The following TMEM272 variants were observed in gnomAD, a reference collection of about 807,000 sequenced individuals.
The protein encoded by TMEM272 is long intergenic non-protein coding RNA 282.
TMEM272 carries 8 observed loss-of-function variants against 3.7 expected under a neutral mutation model. That is an observed-to-expected ratio of 2.17 (90% confidence interval 1.27 to 3.91). TMEM272 has a LOEUF of 3.91. Ranked by LOEUF, TMEM272 falls within the 30% of genes most tolerant of loss-of-function variation. The pLI is 0.00. For synonymous variants in TMEM272, 63 were observed against 39.8 expected (o/e 1.58, Z -2.20); for missense variants, 166 against 91.5 (o/e 1.81, Z -3.32).
chr13:51,876,085 T>C, the TMEM272 span, among the ~76,000 whole-genome samples: 1 of 152,114 alleles, frequency 6.6e-6, no homozygotes, highest in Non-Finnish European at 1.5e-5. Flanking sequence ...GTGCCCTCCC[T>C]CCAGTTTGTT....
Position 51,822,041 on chromosome 13 carries a change from T to A in TMEM272, c.201+14A>T. On this transcript the variant is annotated intron_variant, in intron 4 of 4. Coordinates refer to ENST00000629372, the MANE Select transcript of TMEM272 (RefSeq NM_001351003.2). ...TTCTACAAGGACTACAAACAGCAGA[T>A]AAAGATACTTTACCTTTAAGGTACC... 1.4e-6 allele frequency: 1 copy of A among 702,552 alleles called. No homozygotes were observed. The allele number at this position is 702,552 out of a possible 1,614,324, so 43.5% of individuals were successfully genotyped here.
chr13:51,828,975 G>A (rs766335934), intron 2 of TMEM272, among the ~76,000 whole-genome samples: 6 of 152,188 alleles, frequency 3.9e-5, no homozygotes, highest in Non-Finnish European at 8.8e-5. Context: ...ACCCCTTTCT[G>A]ACCCCTAAAT....
At chr13:51,930,927 C>A in the TMEM272 span, among the ~76,000 whole-genome samples, 1 of 151,852 alleles carries the variant, frequency 6.6e-6, no homozygotes, top group African/African-American at 2.4e-5. Context: ...ATTTGAGAAT[C>A]TATTTTCTAA....
At chr13:51,857,033 TATG>T in the TMEM272 span, among the ~76,000 whole-genome samples, 1 of 152,226 alleles carries the variant, frequency 6.6e-6, no homozygotes, top group Non-Finnish European at 1.5e-5. Context: ...GAGCCAATAC[TATG>T]ATAATACAAA....
intron 4 of TMEM272, 117 bp from the exon 5 acceptor site, chr13:51,817,230 G>A: frequency 5.0e-6 from 3 of 596,670 alleles, no homozygotes; most frequent in Non-Finnish European, 9.0e-6. Context: ...AGGAGAGAGA[G>A]GAAGGTGTTA....
the TMEM272 span, among the ~76,000 whole-genome samples, chr13:51,888,321 C>T: frequency 6.6e-6 from 1 of 152,310 alleles, no homozygotes; most frequent in Non-Finnish European, 1.5e-5. Context: ...GCTGTGATTA[C>T]AGGCGTGAAC....
At chr13:51,826,475 A>G in intron 3 of TMEM272, 91 bp downstream of exon 3, 2 of 682,982 alleles carry the variant, frequency 2.9e-6, no homozygotes, top group Non-Finnish European at 5.3e-6. Context: ...TTCTTCTTAA[A>G]CACATATTTA....
rs150656028 is a variant in TMEM272, at chr13:51,832,681, G to T, written c.58+5792C>A. 1.7e-3 allele frequency among the ~76,000 whole-genome samples: 265 copies of T among 152,080 alleles called. 1 individual carries two copies. Among genetic ancestry groups the T allele is most frequent in the Non-Finnish European group, 3.1e-3 (208 of 67,992 alleles). ...CGTTTCCACCCACCCCTCTTCTCCA[G>T]CCCTGCACAAGCACCCTGCATTGCC... is the stretch of plus-strand genomic sequence containing the variant. On this transcript the variant is annotated intron_variant, in intron 2 of 4. Transcript: ENST00000629372.
At chr13:51,920,852 C>T in the TMEM272 span, among the ~76,000 whole-genome samples, 4 of 152,150 alleles carry the variant, frequency 2.6e-5, no homozygotes, top group Non-Finnish European at 5.9e-5. Flanking sequence ...CCTACAATTG[C>T]GACAGTCACC....
intron 2 of TMEM272, among the ~76,000 whole-genome samples, chr13:51,830,547 A>C (rs1423358769): frequency 4.6e-5 from 7 of 152,242 alleles, no homozygotes; most frequent in African/African-American, 1.7e-4. Context: ...CATAATCTGC[A>C]TAATCTGTGT....
intron 2 of TMEM272, among the ~76,000 whole-genome samples, chr13:51,833,871 A>G (rs1956193401): frequency 6.6e-6 from 1 of 152,150 alleles, no homozygotes; most frequent in South Asian, 2.1e-4. Flanking sequence ...GAAGCCCACC[A>G]AGAGCAATTC....
At chr13:51,864,815 C>T in the TMEM272 span, among the ~76,000 whole-genome samples, 32 of 152,164 alleles carry the variant, frequency 2.1e-4, no homozygotes, top group African/African-American at 7.2e-4. Flanking sequence ...CATTCACCAT[C>T]GTCTCTCACC....
the TMEM272 span, among the ~76,000 whole-genome samples, chr13:51,885,390 T>C: frequency 7.9e-5 from 12 of 152,146 alleles, no homozygotes; most frequent in Non-Finnish European, 1.3e-4. Context: ...CACCTCTTCA[T>C]AGGACAGTAG....
chr13:51,843,982 C>T (rs1474499677), intron 1 of TMEM272, among the ~76,000 whole-genome samples: 1 of 152,162 alleles, frequency 6.6e-6, no homozygotes, highest in Non-Finnish European at 1.5e-5. Flanking sequence ...TTTTAATAGT[C>T]ATGGCTGGAG....
chr13:51,833,520 C>T (rs1470691549), intron 2 of TMEM272, among the ~76,000 whole-genome samples: 2 of 151,802 alleles, frequency 1.3e-5, no homozygotes, highest in Non-Finnish European at 2.9e-5. Context: ...GCCTTGAGCA[C>T]CCATTAGGTG....
chr13:51,906,607 T>C, the TMEM272 span, among the ~76,000 whole-genome samples: 3 of 152,222 alleles, frequency 2.0e-5, no homozygotes, highest in Non-Finnish European at 2.9e-5. Flanking sequence ...GGAGAAGTTC[T>C]AGAGTTATTT....
At chr13:51,849,980 C>T (rs749673516), upstream of TMEM272, among the ~76,000 whole-genome samples, 2 of 152,142 alleles carry the variant, frequency 1.3e-5, no homozygotes, top group African/African-American at 2.4e-5. Flanking sequence ...TTTAGAAGGC[C>T]AAGACAGGAG....
At chr13:51,873,524 G>A in the TMEM272 span, among the ~76,000 whole-genome samples, 5 of 152,048 alleles carry the variant, frequency 3.3e-5, no homozygotes, top group East Asian at 1.9e-4. Context: ...ATCATACATC[G>A]GAATCAACCG....
chr13:51,886,993 T>C, the TMEM272 span, among the ~76,000 whole-genome samples: 1 of 152,214 alleles, frequency 6.6e-6, no homozygotes, highest in African/African-American at 2.4e-5. Flanking sequence ...TATCAGAAAT[T>C]CTACCCAATC....
Sources: allele counts gnomAD v4.1 joint callset (sites outside exome capture counted in the v4.1 genomes callset), GRCh38; gene constraint gnomAD v4.1.1; transcripts MANE v1.5; gene names NCBI Gene and HGNC (gene_info 2026-07-23, HGNC 2026-07-21).